Variants in DENND4A observed in about 807,000 individuals in gnomAD.
The protein encoded by DENND4A is C-myc promoter-binding protein.
In DENND4A, 70 loss-of-function variants were observed where a neutral mutation model predicts 199.3. That is an observed-to-expected ratio of 0.35 (90% CI 0.29 to 0.43). The LOEUF is 0.43. Ranked by LOEUF, DENND4A falls within the 20% of genes least tolerant of loss-of-function variation. The pLI, the probability that DENND4A is intolerant of heterozygous loss-of-function variation, is 1.00. For synonymous variants in DENND4A, 686 were observed against 766.9 expected (o/e 0.89, Z 1.74); for missense variants, 1,723 against 2,255.8 (o/e 0.76, Z 4.78).
At chr15:65,789,221 C>T (rs927957263) in intron 1 of DENND4A, among the ~76,000 whole-genome samples, 1 of 152,120 alleles carries the variant, frequency 6.6e-6, no homozygotes, top group Non-Finnish European at 1.5e-5. Context: ...GGGTCTTACT[C>T]TGTTGCCCAG....
chr15:65,746,546 C>T (rs1363576748), intron 4 of DENND4A, among the ~76,000 whole-genome samples: 1 of 151,364 alleles, frequency 6.6e-6, no homozygotes, highest in Non-Finnish European at 1.5e-5. Flanking sequence ...ACTACCAGGC[C>T]TGGCTAATTT....
At chr15:65,738,990 T>C (rs1270797131) in intron 5 of DENND4A, 115 bp from the exon 6 acceptor site, 1 of 737,580 alleles carries the variant, frequency 1.4e-6, no homozygotes, top group Non-Finnish European at 2.1e-6. Context: ...AAGCATTATA[T>C]ATATGTTCAT....
At chr15:65,701,701 G>A in intron 18 of DENND4A, 61 bp downstream of exon 18, 1 of 1,484,472 alleles carries the variant, frequency 6.7e-7, no homozygotes, top group East Asian at 2.3e-5. Context: ...AATTATTTCT[G>A]CCATTAATGT....
At chr15:65,765,429 T>C (rs1326242272) in intron 1 of DENND4A, among the ~76,000 whole-genome samples, 1 of 152,220 alleles carries the variant, frequency 6.6e-6, no homozygotes, top group African/African-American at 2.4e-5. Flanking sequence ...AATTGAAACT[T>C]TTAGTTTGAG....
intron 14 of DENND4A, among the ~76,000 whole-genome samples, chr15:65,713,889 G>A (rs1023173379): frequency 2.0e-5 from 3 of 152,154 alleles, no homozygotes; most frequent in African/African-American, 7.2e-5. Context: ...CATTAGGTGT[G>A]CTCATTGCTT....
intron 23 of DENND4A, among the ~76,000 whole-genome samples, chr15:65,687,263 T>A (rs1364959295): frequency 6.6e-6 from 1 of 152,200 alleles, no homozygotes; most frequent in Non-Finnish European, 1.5e-5. Context: ...TATTTAATAA[T>A]ATAACTATAA....
intron 4 of DENND4A, among the ~76,000 whole-genome samples, chr15:65,743,404 C>T (rs975862096): frequency 6.6e-6 from 1 of 152,180 alleles, no homozygotes; most frequent in Non-Finnish European, 1.5e-5. Flanking sequence ...ATATTTCAAA[C>T]ATTCTTTGCC....
intron 7 of DENND4A, among the ~76,000 whole-genome samples, chr15:65,735,450 T>C (rs1271880054): frequency 3.3e-5 from 5 of 152,194 alleles, no homozygotes; most frequent in Non-Finnish European, 5.9e-5. Flanking sequence ...CTGCACAATG[T>C]TGACATTTGC....
At chr15:65,702,600 T>G in intron 16 of DENND4A, 89 bp from the exon 17 acceptor site, 1 of 1,121,540 alleles carries the variant, frequency 8.9e-7, no homozygotes, top group Non-Finnish European at 1.3e-6. Context: ...AGTCACATGC[T>G]TTTATAATGT....
At chr15:65,731,362 CTG>C (rs1567055153) in intron 9 of DENND4A, 1 of 460,990 alleles carries the variant, frequency 2.2e-6, no homozygotes, top group Non-Finnish European at 4.2e-6. Context: ...CTAAAAATAA[CTG>C]TTCTCATCAT....
chr15:65,741,581 A>G (rs1178873589), intron 5 of DENND4A, 134 bp downstream of exon 5: 1 of 559,664 alleles, frequency 1.8e-6, no homozygotes, highest in Admixed American at 3.5e-5. Context: ...TGAAGACAAA[A>G]ATGAGAATCA....
At position 65,697,240 on chromosome 15, in the gene DENND4A, T is replaced by C. The variant is rs769151279; in HGVS notation, c.2950+27A>G. On this transcript the variant is annotated intron_variant, in intron 21 of 32. Transcript: ENST00000443035. ...CTATGAATATAAGTTCTCAATTTTA[T>C]ACAATATCAACTTAAACAATACCTA... is the stretch of plus-strand genomic sequence containing the variant. 7 of 1,355,586 alleles carry C rather than the reference T, an allele frequency of 5.2e-6. No homozygotes were observed. The East Asian group carries it at 1.7e-4, about 32-fold the overall frequency. 84.0% of individuals were successfully genotyped at this position (1,355,586 alleles called of 1,614,324 possible).
chr15:65,727,942 T>C (rs1227680610), intron 11 of DENND4A: 1 of 182,924 alleles, frequency 5.5e-6, no homozygotes, highest in Non-Finnish European at 1.2e-5. Flanking sequence ...AAATTATGTA[T>C]AATTTAAAAC....
At position 65,717,974 on chromosome 15, in the gene DENND4A, A is replaced by G. The variant is rs1202640411; in HGVS notation, c.1611T>C (p.Asp537=). 1 of 1,604,148 alleles carries G rather than the reference A, an allele frequency of 6.2e-7. No homozygotes were observed. The highest frequency in any genetic ancestry group is 2.2e-5 in the East Asian group (1 of 44,724). Residue 537 remains aspartate (D), a synonymous_variant, in exon 13 of 33, where the codon GAT becomes GAC. Coordinates refer to ENST00000443035, the MANE Select transcript of DENND4A (RefSeq NM_001320835.1). The stretch of plus-strand genomic sequence containing the variant: ...CATTTATTGCTAAATCCATGAGTCC[A>G]TCATCTCTCGGTCTCTGCTGCACTG... The part of the protein sequence containing the change: ...LAKLQQRPRD[D]GLMDLAINDY...
intron 23 of DENND4A, among the ~76,000 whole-genome samples, chr15:65,678,569 A>G (rs566902003): frequency 6.6e-6 from 1 of 152,364 alleles, no homozygotes; most frequent in Non-Finnish European, 1.5e-5. Flanking sequence ...TATCCAGGAA[A>G]GCTGTTTTAC....
chr15:65,770,626 A>G (rs1400181621), intron 1 of DENND4A, among the ~76,000 whole-genome samples: 8 of 152,206 alleles, frequency 5.3e-5, no homozygotes, highest in Admixed American at 3.3e-4. Context: ...TGATAATACT[A>G]TAAGATTTTA....
chr15:65,788,233 C>T (rs1004856048), intron 1 of DENND4A, among the ~76,000 whole-genome samples: 2 of 152,006 alleles, frequency 1.3e-5, no homozygotes, highest in Non-Finnish European at 2.9e-5. Flanking sequence ...CCTGCCACCA[C>T]GCCCGGCTAA....
intron 2 of DENND4A, among the ~76,000 whole-genome samples, chr15:65,759,681 G>C (rs2076803321): frequency 6.6e-6 from 1 of 152,114 alleles, no homozygotes; most frequent in East Asian, 1.9e-4. Context: ...ACTGTTAAAT[G>C]CTGACTTATC....
chr15:65,753,837 T>G (rs964333718), intron 3 of DENND4A: 2 of 150,370 alleles, frequency 1.3e-5, no homozygotes, highest in African/African-American at 4.9e-5. Context: ...TTCTTTCTTT[T>G]TTTTTTTTTT....
Sources: gnomAD v4.1 joint callset for allele counts (sites outside exome capture counted in the v4.1 genomes callset) on GRCh38, gnomAD v4.1.1 for gene constraint, MANE v1.5 for transcripts, NCBI Gene and HGNC (gene_info 2026-07-23, HGNC 2026-07-21) for gene names.